BRD4: variants seen among roughly 807,000 people sequenced by gnomAD.
BRD4 encodes bromodomain-containing protein 4.
Under a neutral mutation model 142.1 loss-of-function variants are expected in BRD4, and 16 were observed. The observed-to-expected ratio is 0.11, with a 90% CI of 0.08 to 0.17. The LOEUF (loss-of-function observed/expected upper bound fraction) is 0.17. BRD4 is among the 10% of genes least tolerant of loss of function. BRD4 has a pLI of 1.00. For missense variants in BRD4, 1,424 were observed against 1,810.9 expected (o/e 0.79, Z 3.88); for synonymous variants, 833 against 707.5 (o/e 1.18, Z -2.82).
chr19:15,278,105 C>CAAAAA (rs59204229), intron 1 of BRD4, among the ~76,000 whole-genome samples: 138 of 55,046 alleles, frequency 2.5e-3, no homozygotes, highest in Middle Eastern at 0.026. Context: ...GACTCCGTCT[C>CAAAAA]AAAAAAAAAA....
intron 11 of BRD4, chr19:15,253,670 T>C: frequency 2.5e-6 from 4 of 1,598,330 alleles, no homozygotes; most frequent in Non-Finnish European, 3.4e-6. Flanking sequence ...CCAGCTGCAG[T>C]CTGCTCCACA....
At chr19:15,240,566 G>A (rs2047230720) in intron 14 of BRD4, among the ~76,000 whole-genome samples, 1 of 152,320 alleles carries the variant, frequency 6.6e-6, no homozygotes, top group South Asian at 2.1e-4. Context: ...CCACGGAAGA[G>A]AGAAGCCTGG....
At chr19:15,308,635 T>G (rs1462100166) in intron 1 of BRD4, among the ~76,000 whole-genome samples, 3 of 147,956 alleles carry the variant, frequency 2.0e-5, no homozygotes, top group Non-Finnish European at 4.5e-5. Context: ...ATGAAGAAAG[T>G]GGCAAAAATA....
intron 1 of BRD4, among the ~76,000 whole-genome samples, chr19:15,310,831 G>A (rs528061978): frequency 6.6e-6 from 1 of 152,006 alleles, no homozygotes; most frequent in African/African-American, 2.4e-5. Context: ...AAGACACCTG[G>A]CTGCACCACT....
intron 1 of BRD4, among the ~76,000 whole-genome samples, chr19:15,304,231 G>A (rs539725335): frequency 3.4e-4 from 52 of 152,212 alleles, no homozygotes; most frequent in Admixed American, 2.0e-3. Context: ...ATCTCCAGCC[G>A]TCTGTTTGTT....
intron 1 of BRD4, among the ~76,000 whole-genome samples, chr19:15,325,997 C>CAAAAAAAAAAAAAAAA (rs35801340): frequency 1.6e-4 from 8 of 50,728 alleles, no homozygotes; most frequent in Non-Finnish European, 2.6e-4. Flanking sequence ...GACTCCGTCT[C>CAAAAAAAAAAAAAAAA]AAAAAAAAAA....
At chr19:15,251,161 C>CG (rs2047339646) in intron 11 of BRD4, among the ~76,000 whole-genome samples, 1 of 152,100 alleles carries the variant, frequency 6.6e-6, no homozygotes, top group African/African-American at 2.4e-5. Flanking sequence ...CCCCCGCCAT[C>CG]CTCCTCCTGC....
chr19:15,284,010 A>C (rs533829873), intron 1 of BRD4, among the ~76,000 whole-genome samples: 1 of 152,310 alleles, frequency 6.6e-6, no homozygotes, highest in South Asian at 2.1e-4. Context: ...CATGCATGAA[A>C]GGCAATAGCA....
chr19:15,281,022 G>A (rs554206100), intron 1 of BRD4, among the ~76,000 whole-genome samples: 5 of 152,324 alleles, frequency 3.3e-5, no homozygotes, highest in South Asian at 2.1e-4. Context: ...TCCTGACAGC[G>A]GCTTCTTTAA....
intron 14 of BRD4, among the ~76,000 whole-genome samples, chr19:15,241,777 G>A (rs1396315346): frequency 6.6e-6 from 1 of 151,812 alleles, no homozygotes; most frequent in African/African-American, 2.4e-5. Flanking sequence ...CTTGGCTCAG[G>A]GCATGCAGAG....
chr19:15,254,280 G>A lies in BRD4; in HGVS notation c.2048-18C>T, dbSNP rs200836708. ...TTTCTCAGCTGCAATCCAAGCAATG[G>A]GAGCTGGTCAGGCAGGGCTGTGGCC... On this transcript the variant is annotated intron_variant, in intron 10 of 19. Coordinates refer to ENST00000679869, the MANE Select transcript of BRD4 (RefSeq NM_001379291.1). 2.5e-6 allele frequency: 4 copies of A among 1,607,804 alleles called. No homozygotes were observed. The highest frequency in any genetic ancestry group is 1.1e-5 in the South Asian group (1 of 90,936).
Position 15,238,945 on chromosome 19 carries a change from C to T in BRD4, c.3818G>A (p.Arg1273Gln), listed in dbSNP as rs868319763. The change falls in exon 19 of 20, where the codon CGG becomes CAG. Residue 1273 changes from arginine (R) to glutamine (Q), a missense_variant. Coordinates refer to ENST00000679869, the MANE Select transcript of BRD4 (RefSeq NM_001379291.1). The surrounding 1 kb of genome is among the most constrained non-coding windows in gnomAD (Gnocchi z 7.2). ...CCGACGTGCCTCCTCATGGGCCCGC[C>T]GGGCCTGCTCCAGCGCATCCTCGTC... ...REDEDALEQA[R>Q]RAHEEARRRQ... 6 of 1,596,590 alleles carry T rather than the reference C, an allele frequency of 3.8e-6. No homozygotes were observed. The highest frequency in any genetic ancestry group is 3.3e-4 in the Middle Eastern group (2 of 5,982).
In BRD4 at chr19:15,239,435, T is replaced by A; in HGVS notation, c.3533A>T (p.Asp1178Val). 6.2e-7 allele frequency: 1 copy of A among 1,614,148 alleles called. No homozygotes were observed. Among genetic ancestry groups the A allele is most frequent in the South Asian group, 1.1e-5 (1 of 91,084 alleles). ...AGTCTTCGGCTCCTGTTTCTGTTTGTCCTTGTCAGGGGCCCCTGGTGGCGG... is the reference window on the plus strand; with the variant it reads ...AGTCTTCGGCTCCTGTTTCTGTTTGACCTTGTCAGGGGCCCCTGGTGGCGG... ...NAPPPGAPDK[D>V]KQKQEPKTPV... The change falls in exon 17 of 20, where the codon GAC becomes GTC. Residue 1178 changes from aspartate (D) to valine (V), a missense_variant. Physicochemically the swap from Asp to Val is radical, Grantham distance 152. Transcript: ENST00000679869. This position sits in a 1 kb window ranked among gnomAD's most constrained non-coding sequence, Gnocchi z 7.4.
chr19:15,303,810 A>G (rs1369015760), intron 1 of BRD4, among the ~76,000 whole-genome samples: 2 of 152,198 alleles, frequency 1.3e-5, no homozygotes, highest in African/African-American at 2.4e-5. Flanking sequence ...TGTTTCTGTC[A>G]GGATGTTTCC....
intron 1 of BRD4, among the ~76,000 whole-genome samples, chr19:15,317,505 T>C (rs1716533382): frequency 6.6e-6 from 1 of 152,194 alleles, no homozygotes; most frequent in Non-Finnish European, 1.5e-5. Context: ...TTTTATACTT[T>C]ACAGGGAAGC....
intron 11 of BRD4, chr19:15,253,911 T>C (rs1475247534): frequency 1.4e-5 from 12 of 837,536 alleles, no homozygotes; most frequent in South Asian, 5.2e-5. Context: ...TCATCCTCCA[T>C]GACCAGACCC....
At chr19:15,328,503 T>C (rs1305868105) in intron 1 of BRD4, among the ~76,000 whole-genome samples, 1 of 152,188 alleles carries the variant, frequency 6.6e-6, no homozygotes, top group Non-Finnish European at 1.5e-5. Flanking sequence ...GACTAATAAG[T>C]TTACTACAAC....
At chr19:15,330,384 C>A (rs969853277) in intron 1 of BRD4, among the ~76,000 whole-genome samples, 2 of 152,078 alleles carry the variant, frequency 1.3e-5, no homozygotes, top group Admixed American at 6.6e-5. Flanking sequence ...TGGGGGGAAG[C>A]GCTTGGTTAT....
intron 1 of BRD4, among the ~76,000 whole-genome samples, chr19:15,298,620 C>CAAAAAAAAAAAAAAAA (rs57719337): frequency 3.0e-5 from 2 of 66,038 alleles, no homozygotes; most frequent in African/African-American, 6.1e-5. Context: ...GACTCCAACT[C>CAAAAAAAAAAAAAAAA]AAAAAAAAAA....
Sources: gnomAD v4.1 joint callset for allele counts (sites outside exome capture counted in the v4.1 genomes callset) on GRCh38, gnomAD v4.1.1 for gene constraint, Gnocchi (gnomAD v3.1) non-coding constraint, MANE v1.5 for transcripts, NCBI Gene and HGNC (gene_info 2026-07-23, HGNC 2026-07-21) for gene names.